Variants in PLEC observed in about 807,000 individuals in gnomAD.
PLEC encodes hemidesmosomal protein 1.
PLEC carries 216 observed loss-of-function variants against 392.8 expected under a neutral mutation model. The ratio of observed to expected loss-of-function variants is 0.55; its 90% CI spans 0.49 to 0.62. PLEC has a LOEUF of 0.62. Ranked by LOEUF, PLEC falls within the 20% of genes least tolerant of loss-of-function variation. The pLI is 0.00. For missense variants in PLEC, 6,863 were observed against 6,563.4 expected (o/e 1.05, Z -1.58); for synonymous variants, 3,621 against 2,980.6 (o/e 1.21, Z -7.00).
chr8:143,973,559 A>G, upstream of PLEC: 2 of 1,061,046 alleles, frequency 1.9e-6, no homozygotes, highest in Non-Finnish European at 2.3e-6. The surrounding 1 kb of genome is among the most constrained non-coding windows in gnomAD (Gnocchi z 5.6). Flanking sequence ...CCGCTTAAAG[A>G]GGCCGCCCCC....
At chr8:143,936,333 C>T (rs1180085043) in intron 5 of PLEC, among the ~76,000 whole-genome samples, 1 of 152,218 alleles carries the variant, frequency 6.6e-6, no homozygotes, top group African/African-American at 2.4e-5. Flanking sequence ...CTGCACCCTG[C>T]ACCTCCCGGA....
Position 143,922,111 on chromosome 8 carries a change from C to T in PLEC, c.7710G>A (p.Gln2570=). The T allele has an allele frequency of 6.4e-7, 1 of 1,551,018 alleles. No homozygotes were observed. Among genetic ancestry groups the T allele is most frequent in the Non-Finnish European group, 8.7e-7 (1 of 1,154,784 alleles). ...GCTGCTCCAGCTGCTGCAGCTCCTCCTGCTTGCGCCGCACGCCCTCCTCGG... is the reference window on the plus strand; with the variant it reads ...GCTGCTCCAGCTGCTGCAGCTCCTCTTGCTTGCGCCGCACGCCCTCCTCGG... ...HEAEEGVRRK[Q]EELQQLEQQR... is the part of the protein sequence containing the mutation. Residue 2570 remains glutamine, a synonymous_variant, in exon 32 of 32, where the codon CAG becomes CAA. Coordinates refer to ENST00000345136, the MANE Select transcript of PLEC (RefSeq NM_201384.3).
rs1441154680 is a variant in PLEC, at chr8:143,920,471, A to T, written c.9350T>A (p.Phe3117Tyr). The stretch of plus-strand genomic sequence containing the variant: ...AATGAGGCCCTTCTTCAGGGCCTGG[A>T]ACAGGGAGACGCTCTGCCCTGTGTA... ...DPYTGQSVSL[F>Y]QALKKGLIPR... The change falls in exon 32 of 32, where the codon TTC becomes TAC. Residue 3117 changes from phenylalanine (F) to tyrosine (Y), a missense_variant. Transcript: ENST00000345136. 1.2e-6 allele frequency: 2 copies of T among 1,604,506 alleles called. No homozygotes were observed. The highest frequency in any genetic ancestry group is 1.7e-6 in the Non-Finnish European group (2 of 1,176,038).
chr8:143,935,697 G>A, intron 6 of PLEC, 151 bp downstream of exon 6: 1 of 796,262 alleles, frequency 1.3e-6, no homozygotes, highest in Non-Finnish European at 2.1e-6. Context: ...GGTGGGGCTG[G>A]GCCCTGAACT....
At chr8:143,942,576 G>A (rs150197502), upstream of PLEC, 663 of 1,483,652 alleles carry the variant, frequency 4.5e-4, no homozygotes, top group African/African-American at 8.4e-3. Flanking sequence ...GGACCGCGGC[G>A]GCGCCTCTGC....
chr8:143,925,624 G>A lies in PLEC; in HGVS notation c.4305C>T (p.Ala1435=). The A allele has an allele frequency of 6.3e-7, 1 of 1,583,634 alleles. No individual in the cohort carries two copies. The highest frequency in any genetic ancestry group is 8.5e-7 in the Non-Finnish European group (1 of 1,172,288). The change falls in exon 31 of 32, where the codon GCC becomes GCT. Residue 1435 remains alanine, a synonymous_variant. Coordinates refer to ENST00000345136, the MANE Select transcript of PLEC (RefSeq NM_201384.3). ...CAGCCGCCTCTGCCTGCCGGGCCTT[G>A]GCCTGGATCTCCGCCTCCGAGCTCT... ...LRQSSEAEIQ[A]KARQAEAAER...
chr8:143,960,230 C>A (rs1182255296), intron 1 of PLEC, among the ~76,000 whole-genome samples: 2 of 148,272 alleles, frequency 1.3e-5, no homozygotes, highest in South Asian at 4.3e-4. Flanking sequence ...TGCAGTGAGC[C>A]GAGATCATGC....
At position 143,918,859 on chromosome 8, in the gene PLEC, C is replaced by T. The variant is rs782048096; in HGVS notation, c.10962G>A (p.Glu3654=). The T allele has an allele frequency of 6.2e-7, 1 of 1,612,908 alleles. No individual in the cohort carries two copies. The highest frequency in any genetic ancestry group is 1.7e-5 in the Admixed American group (1 of 60,030). Residue 3654 remains glutamate (E), a synonymous_variant, in exon 32 of 32, where the codon GAG becomes GAA. Coordinates refer to ENST00000345136, the MANE Select transcript of PLEC (RefSeq NM_201384.3). The part of the protein sequence containing the change: ...RRRLTAEDLF[E]ARIISLETYN... ...AGGTCTCGAGAGAGATGATCCGAGC[C>T]TCGAACAGGTCCTCAGCCGTGAGGC...
chr8:143,926,309 G>A (rs1276057766), intron 30 of PLEC, among the ~76,000 whole-genome samples: 7 of 152,168 alleles, frequency 4.6e-5, no homozygotes, highest in Admixed American at 3.3e-4. Context: ...GGGGTGAGGC[G>A]AGGCGGCCAG....
rs2131263227 is a variant in PLEC at position 143,922,561 on chromosome 8, C to T, written c.7368G>A (p.Glu2456=). Reference sequence around the variant, plus strand: ...CCTGTTGGAGCTTCTCCTTCTCACGCTCCAGCTCAGCGATGGCCTCCCGCA... The same window carrying T: ...CCTGTTGGAGCTTCTCCTTCTCACGTTCCAGCTCAGCGATGGCCTCCCGCA... The part of the protein sequence containing the change: ...ERLREAIAEL[E]REKEKLQQEA... Residue 2456 remains glutamate, a synonymous_variant, in exon 31 of 32, where the codon GAG becomes GAA. Transcript: ENST00000345136. 1 of 1,613,416 alleles carries T rather than the reference C, an allele frequency of 6.2e-7. No individual in the cohort carries two copies. Among genetic ancestry groups the T allele is most frequent in the Non-Finnish European group, 8.5e-7 (1 of 1,179,988 alleles).
chr8:143,923,138 C>T lies in PLEC; in HGVS notation c.6791G>A (p.Arg2264His), dbSNP rs201661279. The T allele has an allele frequency of 1.3e-4, 216 of 1,603,348 alleles. No homozygotes were observed. Among genetic ancestry groups the T allele is most frequent in the Non-Finnish European group, 1.8e-4 (212 of 1,179,894 alleles). ...LILRDKDNTQ[R>H]FLQEEAEKMK... is the part of the protein sequence containing the mutation. ...CTTCTCAGCCTCCTCCTGCAGGAAGCGCTGCGTATTGTCCTTGTCACGCAA... is the reference window on the plus strand; with the variant it reads ...CTTCTCAGCCTCCTCCTGCAGGAAGTGCTGCGTATTGTCCTTGTCACGCAA... The change falls in exon 31 of 32, where the codon CGC becomes CAC. Residue 2264 changes from arginine (R) to histidine (H), a missense_variant. Arg to His is a conservative substitution (Grantham distance 29, BLOSUM62 0). Transcript: ENST00000345136.
upstream of PLEC, among the ~76,000 whole-genome samples, chr8:143,955,798 C>T (rs1446309968): frequency 6.6e-6 from 1 of 151,946 alleles, no homozygotes; most frequent in Non-Finnish European, 1.5e-5. Flanking sequence ...CAGTCTGTCT[C>T]TGTGTTGCCC....
upstream of PLEC, among the ~76,000 whole-genome samples, chr8:143,952,220 A>ACACG (rs782520190): frequency 2.6e-4 from 37 of 139,892 alleles, no homozygotes; most frequent in Middle Eastern, 3.6e-3. Flanking sequence ...GCGCGCACAC[A>ACACG]CGCACGCGCA....
At chr8:143,949,286 G>A (rs1281846430) in intron 1 of PLEC, among the ~76,000 whole-genome samples, 3 of 152,266 alleles carry the variant, frequency 2.0e-5, no homozygotes, top group African/African-American at 7.2e-5. Flanking sequence ...CCAGGTGCCA[G>A]CCCCAAAGAG....
Position 143,930,541 on chromosome 8 carries a change from G to T in PLEC, c.2305-5C>A, listed in dbSNP as rs782571993. ...GTTCAGCTGTTCCTTCTCGTCCTGTGGGGGAGGGGCAGCATCCAGACGAGG... is the reference window on the plus strand; with the variant it reads ...GTTCAGCTGTTCCTTCTCGTCCTGTTGGGGAGGGGCAGCATCCAGACGAGG... On this transcript the variant is annotated splice_region_variant and splice_polypyrimidine_tract_variant and intron_variant, in intron 19 of 31. Transcript: ENST00000345136. 2.5e-6 allele frequency: 4 copies of T among 1,584,072 alleles called. No individual in the cohort carries two copies. The highest frequency in any genetic ancestry group is 3.5e-5 in the Admixed American group (2 of 56,544).
At position 143,918,384 on chromosome 8, in the gene PLEC, G is replaced by A. The variant is rs201666443; in HGVS notation, c.11437C>T (p.Arg3813Cys). The A allele has an allele frequency of 2.5e-4, 393 of 1,566,214 alleles. 1 individual carries two copies. Among genetic ancestry groups the A allele is most frequent in the South Asian group, 1.0e-3 (88 of 87,258 alleles). ...TCCAGGGGAAGGTGGAAGCCCAGGC[G>A]GGGGTCCACGATGCCGCCGGTGGCC... The part of the protein sequence containing the change: ...QLATGGIVDP[R>C]LGFHLPLEVA... Residue 3813 changes from arginine (R) to cysteine (C), a missense_variant, in exon 32 of 32, where the codon CGC (arginine) becomes TGC (cysteine). Transcript: ENST00000345136.
rs782393013 is a variant in PLEC, at chr8:143,918,886, G to T, written c.10935C>A (p.Arg3645=). The change falls in exon 32 of 32, where the codon CGC becomes CGA. Residue 3645 remains arginine (R), a synonymous_variant. Transcript: ENST00000345136. ...CGAACAGGTCCTCAGCCGTGAGGCG[G>T]CGGCGCACGTAGTCGTAGGAGGCCA... is the stretch of plus-strand genomic sequence containing the variant. ...QGLASYDYVR[R]RLTAEDLFEA... The T allele has an allele frequency of 3.1e-6, 5 of 1,612,382 alleles. No individual in the cohort carries two copies. The South Asian group carries it at 4.4e-5, about 14-fold the overall frequency.
upstream of PLEC, chr8:143,943,990 A>C (rs868916925): frequency 4.3e-5 from 66 of 1,523,556 alleles, no homozygotes; most frequent in African/African-American, 6.6e-4. Context: ...AGCGAGGGGG[A>C]GCGCCGGGAC....
chr8:143,953,474 C>CGCCGCT (rs1554738029), upstream of PLEC, among the ~76,000 whole-genome samples: 2 of 151,816 alleles, frequency 1.3e-5, no homozygotes, highest in African/African-American at 4.8e-5. Flanking sequence ...CCGCCGCCGC[C>CGCCGCT]GCTGCAGCAG....
Sources: gnomAD v4.1 joint callset for allele counts (sites outside exome capture counted in the v4.1 genomes callset) on GRCh38, gnomAD v4.1.1 for gene constraint, Gnocchi (gnomAD v3.1) non-coding constraint, MANE v1.5 for transcripts, NCBI Gene and HGNC (gene_info 2026-07-23, HGNC 2026-07-21) for gene names.